KIF26B: variants seen among roughly 807,000 people sequenced by gnomAD.
KIF26B encodes the protein kinesin-like protein KIF26B.
A neutral mutation model predicts 151.2 loss-of-function variants in KIF26B; 63 were observed. The observed-to-expected ratio is 0.42, with a 90% CI of 0.34 to 0.51. KIF26B has a LOEUF of 0.51. Ranked by LOEUF, KIF26B falls within the 20% of genes least tolerant of loss-of-function variation. KIF26B has a pLI of 0.07. For missense variants in KIF26B, 2,813 were observed against 2,913.6 expected (o/e 0.97, Z 0.79); for synonymous variants, 1,357 against 1,262.1 (o/e 1.08, Z -1.59).
At chr1:245,609,626 A>C in intron 8 of KIF26B, 98 bp downstream of exon 8, 154 of 1,302,122 alleles carry the variant, frequency 1.2e-4, no homozygotes, top group Non-Finnish European at 1.4e-4. Context: ...CTGTAAACTC[A>C]GAGGCTTACG....
chr1:245,592,054 C>A (rs953822350), intron 5 of KIF26B, among the ~76,000 whole-genome samples: 1 of 152,232 alleles, frequency 6.6e-6, no homozygotes, highest in African/African-American at 2.4e-5. Flanking sequence ...CTCCCCGAAG[C>A]GCTTCTTAGA....
chr1:245,248,505 A>T (rs1670378015), intron 2 of KIF26B, among the ~76,000 whole-genome samples: 1 of 152,170 alleles, frequency 6.6e-6, no homozygotes. Flanking sequence ...AACAATCCTC[A>T]CCAAATCCAC....
intron 3 of KIF26B, among the ~76,000 whole-genome samples, chr1:245,406,084 T>G (rs1292825489): frequency 3.3e-5 from 5 of 152,200 alleles, no homozygotes; most frequent in Non-Finnish European, 7.3e-5. Flanking sequence ...TATCTGTAAA[T>G]GGTCCTGCTT....
chr1:245,579,627 T>G (rs1226887652), intron 5 of KIF26B, among the ~76,000 whole-genome samples: 1 of 151,792 alleles, frequency 6.6e-6, no homozygotes, highest in Non-Finnish European at 1.5e-5. Context: ...CTAACCAACA[T>G]GGAGAAACCC....
At chr1:245,701,838 TGCTGGACC>T in intron 14 of KIF26B, among the ~76,000 whole-genome samples, 1 of 152,256 alleles carries the variant, frequency 6.6e-6, no homozygotes, top group Middle Eastern at 3.4e-3. Context: ...ACTGGGAGCC[TGCTGGACC>T]CCTGGACCTG....
intron 4 of KIF26B, among the ~76,000 whole-genome samples, chr1:245,424,080 G>A (rs1024724950): frequency 2.6e-4 from 40 of 152,138 alleles, no homozygotes; most frequent in African/African-American, 9.2e-4. Context: ...CTAGGCTCAA[G>A]CAATCCTTCC....
chr1:245,581,004 T>C (rs1428242847), intron 5 of KIF26B, among the ~76,000 whole-genome samples: 1 of 152,256 alleles, frequency 6.6e-6, no homozygotes, highest in Non-Finnish European at 1.5e-5. Context: ...GTTCATTCCA[T>C]TAATTTCTCT....
At position 245,395,201 on chromosome 1, in the gene KIF26B, A is replaced by G. The variant is rs188056285; in HGVS notation, c.1000-24378A>G. Reference sequence around the variant, plus strand: ...TTCAAATGTGAGTAGATTTGAGTGCATGTCGATGTTGAAAATAAACTCACT... The same window carrying G: ...TTCAAATGTGAGTAGATTTGAGTGCGTGTCGATGTTGAAAATAAACTCACT... On this transcript the variant is annotated intron_variant, in intron 3 of 14. Coordinates refer to ENST00000407071, the MANE Select transcript of KIF26B (RefSeq NM_018012.4). Among the ~76,000 whole-genome samples, 280 of 152,336 alleles carry G rather than the reference A, an allele frequency of 1.8e-3. 2 individuals carry two copies. Among genetic ancestry groups the G allele is most frequent in the African/African-American group, 6.6e-3 (275 of 41,578 alleles).
chr1:245,293,354 T>TA (rs1227408604), intron 2 of KIF26B, among the ~76,000 whole-genome samples: 2 of 151,996 alleles, frequency 1.3e-5, no homozygotes, highest in African/African-American at 4.8e-5. Flanking sequence ...GTTGTGGGGT[T>TA]GGACCCTTGC....
At chr1:245,253,272 G>A (rs527323076) in intron 2 of KIF26B, among the ~76,000 whole-genome samples, 3 of 152,236 alleles carry the variant, frequency 2.0e-5, no homozygotes, top group South Asian at 4.2e-4. Flanking sequence ...GCCTCCCAAA[G>A]TGCTGGGATT....
At chr1:245,164,033 C>G (rs1053822047) in intron 2 of KIF26B, among the ~76,000 whole-genome samples, 1 of 152,034 alleles carries the variant, frequency 6.6e-6, no homozygotes, top group African/African-American at 2.4e-5. Context: ...TACATAATAG[C>G]GATATAGTGG....
intron 2 of KIF26B, among the ~76,000 whole-genome samples, chr1:245,246,697 A>C (rs1670335988): frequency 6.6e-6 from 1 of 152,182 alleles, no homozygotes; most frequent in Admixed American, 6.6e-5. Context: ...CCCATGCCAC[A>C]GAGTTGTTAA....
At chr1:245,247,541 A>C (rs1670360494) in intron 2 of KIF26B, among the ~76,000 whole-genome samples, 1 of 152,228 alleles carries the variant, frequency 6.6e-6, no homozygotes. Flanking sequence ...AACGAAGAGA[A>C]GAGGCTGACA....
intron 4 of KIF26B, among the ~76,000 whole-genome samples, chr1:245,499,603 T>C (rs2103078044): frequency 6.6e-6 from 1 of 152,294 alleles, no homozygotes; most frequent in Non-Finnish European, 1.5e-5. Context: ...AGCCAAAAAG[T>C]TTCCACTTAC....
intron 2 of KIF26B, among the ~76,000 whole-genome samples, chr1:245,212,724 A>G (rs74153161): frequency 0.035 from 5,390 of 152,274 alleles, 157 homozygotes; most frequent in African/African-American, 0.081. Flanking sequence ...GAGAGGCGGC[A>G]CCGTCGGGCC....
intron 2 of KIF26B, among the ~76,000 whole-genome samples, chr1:245,199,282 G>A (rs892287259): frequency 1.3e-5 from 2 of 151,974 alleles, no homozygotes; most frequent in East Asian, 1.9e-4. Context: ...GCAAATACAC[G>A]CAAGTGTGCA....
At chr1:245,320,028 G>A (rs1309692564) in intron 2 of KIF26B, among the ~76,000 whole-genome samples, 2 of 152,324 alleles carry the variant, frequency 1.3e-5, no homozygotes, top group East Asian at 3.9e-4. Context: ...CGTTAACAAA[G>A]TATTTTATGT....
intron 2 of KIF26B, among the ~76,000 whole-genome samples, chr1:245,189,210 C>T (rs1467750965): frequency 6.6e-6 from 1 of 152,126 alleles, no homozygotes; most frequent in Non-Finnish European, 1.5e-5. Flanking sequence ...ATGTATTTTA[C>T]CATAATAAAA....
At chr1:245,522,712 C>T (rs1661155960) in intron 4 of KIF26B, among the ~76,000 whole-genome samples, 1 of 152,146 alleles carries the variant, frequency 6.6e-6, no homozygotes, top group Non-Finnish European at 1.5e-5. Context: ...ACTGCACAAC[C>T]AAAACTTATA....
Sources: allele counts gnomAD v4.1 joint callset (sites outside exome capture counted in the v4.1 genomes callset), GRCh38; gene constraint gnomAD v4.1.1; transcripts MANE v1.5; gene names NCBI Gene and HGNC (gene_info 2026-07-23, HGNC 2026-07-21).